BBS9: variants seen among roughly 807,000 people sequenced by gnomAD.
BBS9 encodes protein PTHB1.
BBS9 carries 89 observed loss-of-function variants against 117.7 expected under a neutral mutation model. The observed-to-expected ratio is 0.76, with a 90% CI of 0.64 to 0.90. The LOEUF is 0.90. Among genes scored for constraint, BBS9 ranks in the 40% least tolerant of loss-of-function variants. The probability of loss-of-function intolerance (pLI) is 0.00; values close to 1 mark genes in which losing one functional copy is unlikely to be tolerated. For synonymous variants in BBS9, 379 were observed against 370.9 expected, an observed-to-expected ratio of 1.02 and a Z score of -0.25; for missense variants, 982 against 1,042.2, an observed-to-expected ratio of 0.94 and a Z score of 0.80.
At chr7:33,247,800 A>G (rs996457741) in intron 5 of BBS9, among the ~76,000 whole-genome samples, 1 of 152,206 alleles carries the variant, frequency 6.6e-6, no homozygotes, top group Non-Finnish European at 1.5e-5. Context: ...TGATCGTTCC[A>G]TCTGACAAAA....
chr7:33,431,739 T>C lies in BBS9; in HGVS notation c.2115+43595T>C, dbSNP rs148784903. On this transcript the variant is annotated intron_variant, in intron 19 of 22. Transcript: ENST00000242067. Reference sequence around the variant, plus strand: ...AGTCACAGATTTATGTGATATTTTGTTTTTGATGTTTTGCTATAGCAGCCC... The same window carrying C: ...AGTCACAGATTTATGTGATATTTTGCTTTTGATGTTTTGCTATAGCAGCCC... Among the ~76,000 whole-genome samples, 868 of 152,332 alleles carry C rather than the reference T, an allele frequency of 5.7e-3. 8 individuals carry two copies. The highest frequency in any genetic ancestry group is 0.02 in the African/African-American group (824 of 41,580).
chr7:33,214,092 A>G (rs1019795485), intron 5 of BBS9, among the ~76,000 whole-genome samples: 1 of 152,148 alleles, frequency 6.6e-6, no homozygotes, highest in Non-Finnish European at 1.5e-5. Context: ...ACTGCTTTTC[A>G]TGTGTACCTA....
At chr7:33,181,053 G>A (rs536477610) in intron 5 of BBS9, among the ~76,000 whole-genome samples, 6 of 152,318 alleles carry the variant, frequency 3.9e-5, no homozygotes, top group African/African-American at 1.4e-4. Context: ...ATGGTACAAA[G>A]TACTACTGCT....
intron 21 of BBS9, among the ~76,000 whole-genome samples, chr7:33,540,611 A>G (rs1852142512): frequency 6.6e-6 from 1 of 152,246 alleles, no homozygotes; most frequent in Admixed American, 6.5e-5. Context: ...GAAAGAACCA[A>G]CAGGAAAACA....
At chr7:33,508,328 G>T (rs1563275288) in intron 20 of BBS9, among the ~76,000 whole-genome samples, 2 of 152,218 alleles carry the variant, frequency 1.3e-5, no homozygotes, top group African/African-American at 4.8e-5. Context: ...AGTAAGAAAA[G>T]ATACAATGGG....
intron 19 of BBS9, among the ~76,000 whole-genome samples, chr7:33,399,651 A>G (rs544034379): frequency 3.1e-4 from 47 of 152,260 alleles, no homozygotes; most frequent in Admixed American, 1.2e-3. Context: ...ATTTTCATCA[A>G]TTCGGAATTT....
chr7:33,255,214 T>A (rs1796834406), intron 5 of BBS9, among the ~76,000 whole-genome samples: 1 of 152,158 alleles, frequency 6.6e-6, no homozygotes, highest in African/African-American at 2.4e-5. Flanking sequence ...ATCCAAAAAA[T>A]CATTGCCAAT....
chr7:33,137,462 C>T (rs1584079950), intron 1 of BBS9, among the ~76,000 whole-genome samples: 2 of 152,214 alleles, frequency 1.3e-5, no homozygotes, highest in South Asian at 2.1e-4. Flanking sequence ...CCACTGGCTC[C>T]GCAGAGTGGG....
chr7:33,572,805 C>G (rs557034310), intron 21 of BBS9, among the ~76,000 whole-genome samples: 1 of 151,590 alleles, frequency 6.6e-6, no homozygotes, highest in South Asian at 2.1e-4. Context: ...CTTTTTTTTG[C>G]TATTGAGCTG....
chr7:33,334,637 A>G (rs531911136), intron 9 of BBS9, among the ~76,000 whole-genome samples: 1 of 152,152 alleles, frequency 6.6e-6, no homozygotes, highest in Non-Finnish European at 1.5e-5. Flanking sequence ...GTTGCTTTTC[A>G]TACTTTAAGA....
At chr7:33,288,041 A>G (rs1051569597) in intron 9 of BBS9, among the ~76,000 whole-genome samples, 1 of 152,132 alleles carries the variant, frequency 6.6e-6, no homozygotes, top group Admixed American at 6.6e-5. Context: ...CTGCAATGGA[A>G]AATTCTGTCT....
intron 21 of BBS9, among the ~76,000 whole-genome samples, chr7:33,619,813 AG>A (rs1390457959): frequency 2.0e-5 from 3 of 152,174 alleles, no homozygotes; most frequent in Non-Finnish European, 2.9e-5. Context: ...AGAAAACAGA[AG>A]CACAACACAG....
At chr7:33,131,853 A>G (rs1789666233) in intron 1 of BBS9, among the ~76,000 whole-genome samples, 1 of 152,228 alleles carries the variant, frequency 6.6e-6, no homozygotes, top group Non-Finnish European at 1.5e-5. Flanking sequence ...GTCAGCAAAA[A>G]AAGGTCAGCC....
chr7:33,295,296 G>A (rs945785983), intron 9 of BBS9, among the ~76,000 whole-genome samples: 3 of 151,676 alleles, frequency 2.0e-5, no homozygotes, highest in Non-Finnish European at 1.5e-5. Context: ...ACAATTTTTG[G>A]TACTTAATTT....
intron 19 of BBS9, among the ~76,000 whole-genome samples, chr7:33,420,899 T>A (rs577463651): frequency 3.9e-5 from 6 of 152,316 alleles, no homozygotes; most frequent in Admixed American, 3.3e-4. Context: ...TTTTCTTCAC[T>A]ACCCTTGGAA....
intron 9 of BBS9, among the ~76,000 whole-genome samples, chr7:33,289,479 T>C (rs116264200): frequency 0.016 from 2,377 of 152,298 alleles, 66 homozygotes; most frequent in African/African-American, 0.054. Context: ...TTCTTTTTAT[T>C]TGAGAGAAAA....
intron 2 of BBS9, among the ~76,000 whole-genome samples, chr7:33,147,894 G>A (rs911299576): frequency 6.6e-6 from 1 of 151,718 alleles, no homozygotes; most frequent in Non-Finnish European, 1.5e-5. Context: ...CATTACATAT[G>A]TGTGTTCCAC....
intron 9 of BBS9, among the ~76,000 whole-genome samples, chr7:33,317,411 C>A (rs1395466711): frequency 6.6e-6 from 1 of 150,466 alleles, no homozygotes; most frequent in African/African-American, 2.4e-5. Context: ...GGATTTTCAT[C>A]TGGATTATGT....
intron 2 of BBS9, among the ~76,000 whole-genome samples, chr7:33,151,850 C>CTTTTTT (rs11346140): frequency 3.6e-5 from 3 of 82,338 alleles, no homozygotes; most frequent in East Asian, 3.5e-4. Context: ...TGCACCCAGC[C>CTTTTTT]TTTTTTTTTT....
Sources: allele counts gnomAD v4.1 joint callset (sites outside exome capture counted in the v4.1 genomes callset), GRCh38; gene constraint gnomAD v4.1.1; transcripts MANE v1.5; gene names NCBI Gene and HGNC (gene_info 2026-07-23, HGNC 2026-07-21).